Variants in CDH12 observed in about 807,000 individuals in gnomAD.
CDH12 encodes cadherin 12, also known as cadherin-12.
In CDH12, 41 loss-of-function variants were observed where a neutral mutation model predicts 74.1. That is an observed-to-expected ratio of 0.55 (90% CI 0.43 to 0.72). CDH12 has a LOEUF of 0.72. Ranked by LOEUF, CDH12 falls within the 30% of genes least tolerant of loss-of-function variation. The pLI is 0.00. For missense variants in CDH12, 945 were observed against 977.2 expected (o/e 0.97, Z 0.44); for synonymous variants, 399 against 355.0 (o/e 1.12, Z -1.39).
chr5:22,386,121 A>G (rs952120003), intron 3 of CDH12, among the ~76,000 whole-genome samples: 2 of 151,872 alleles, frequency 1.3e-5, no homozygotes, highest in Admixed American at 6.6e-5. Context: ...CAAACTCCCG[A>G]CCTCAGGTGA....
At chr5:22,833,400 A>T (rs1374243296) in intron 1 of CDH12, among the ~76,000 whole-genome samples, 1 of 152,192 alleles carries the variant, frequency 6.6e-6, no homozygotes, top group Non-Finnish European at 1.5e-5. Context: ...GAAATCACCA[A>T]GAAGGTTTAA....
intron 6 of CDH12, among the ~76,000 whole-genome samples, chr5:21,856,272 A>G (rs1483840403): frequency 6.6e-6 from 1 of 151,702 alleles, no homozygotes; most frequent in Non-Finnish European, 1.5e-5. Context: ...ATTAAGAGTA[A>G]AGTCCTCTCT....
chr5:22,813,449 T>G (rs1196338589), intron 1 of CDH12, among the ~76,000 whole-genome samples: 2 of 152,196 alleles, frequency 1.3e-5, no homozygotes, highest in Non-Finnish European at 2.9e-5. Context: ...CTTTTTCATC[T>G]CTGTGGTGAA....
intron 1 of CDH12, among the ~76,000 whole-genome samples, chr5:22,713,569 G>A (rs387519): frequency 0.28 from 41,850 of 151,786 alleles, 5,862 homozygotes; most frequent in South Asian, 0.31. Context: ...AAAAATGTGT[G>A]ACACAATACA....
At chr5:22,616,058 A>G (rs181417804) in intron 1 of CDH12, among the ~76,000 whole-genome samples, 1 of 152,242 alleles carries the variant, frequency 6.6e-6, no homozygotes, top group East Asian at 1.9e-4. Flanking sequence ...GAGGACCAGA[A>G]TTTTGAGTGC....
Position 22,382,674 on chromosome 5 carries a change from CA to C in CDH12, c.-333+22582del, listed in dbSNP as rs200356228. On this transcript the variant is annotated intron_variant, in intron 3 of 14. Transcript: ENST00000382254. ...CAGTGAAGGCCAGTATGTGCATATA[CA>C]ACCTGCCATCTTTAACCGGAAGCAT... 9.5e-3 allele frequency among the ~76,000 whole-genome samples: 1,442 copies of C among 152,232 alleles called. 24 individuals are homozygous for C. The highest frequency in any genetic ancestry group is 0.033 in the African/African-American group (1,363 of 41,528).
At chr5:21,766,138 A>G (rs1745011560) in intron 11 of CDH12, among the ~76,000 whole-genome samples, 2 of 152,160 alleles carry the variant, frequency 1.3e-5, no homozygotes, top group South Asian at 4.1e-4. Context: ...CAAAGAATGC[A>G]TACAAAATCA....
intron 10 of CDH12, among the ~76,000 whole-genome samples, chr5:21,787,812 C>CA (rs1400330309): frequency 1.3e-5 from 2 of 152,110 alleles, no homozygotes; most frequent in Non-Finnish European, 2.9e-5. Context: ...TAAGGCACAC[C>CA]AAAAGGTCAG....
At chr5:21,896,107 A>C (rs891193547) in intron 6 of CDH12, among the ~76,000 whole-genome samples, 3 of 152,120 alleles carry the variant, frequency 2.0e-5, no homozygotes, top group African/African-American at 7.2e-5. Flanking sequence ...TGAATGCTGA[A>C]CTCTGGGCAT....
intron 5 of CDH12, among the ~76,000 whole-genome samples, chr5:21,990,055 ATT>A (rs1000418362): frequency 6.6e-6 from 1 of 151,962 alleles, no homozygotes; most frequent in African/African-American, 2.4e-5. Flanking sequence ...TCTTTCTGTC[ATT>A]TGCTGTGGAT....
intron 2 of CDH12, among the ~76,000 whole-genome samples, chr5:22,455,883 AT>A (rs1272278841): frequency 2.0e-5 from 3 of 152,152 alleles, no homozygotes; most frequent in Admixed American, 6.5e-5. Context: ...ATGATAAGCA[AT>A]GTCCAATAAA....
At chr5:22,656,913 T>C (rs1241874522) in intron 1 of CDH12, among the ~76,000 whole-genome samples, 1 of 152,062 alleles carries the variant, frequency 6.6e-6, no homozygotes, top group Non-Finnish European at 1.5e-5. Flanking sequence ...CACAGCTCAG[T>C]GCAGCCTTGA....
intron 1 of CDH12, among the ~76,000 whole-genome samples, chr5:22,588,678 G>T (rs1440066046): frequency 6.6e-6 from 1 of 152,092 alleles, no homozygotes; most frequent in African/African-American, 2.4e-5. Flanking sequence ...AAATGTAAGG[G>T]ATTTAATTAG....
At chr5:22,801,715 A>ATTT (rs1273859811) in intron 1 of CDH12, among the ~76,000 whole-genome samples, 5 of 141,218 alleles carry the variant, frequency 3.5e-5, no homozygotes, top group Non-Finnish European at 7.6e-5. Context: ...AACACATAAG[A>ATTT]TTTTAAATGT....
intron 1 of CDH12, among the ~76,000 whole-genome samples, chr5:22,557,743 A>C (rs540335024): frequency 6.6e-6 from 1 of 152,182 alleles, no homozygotes; most frequent in African/African-American, 2.4e-5. Context: ...CAAAGAAAAA[A>C]ATCAATAGAA....
chr5:21,899,228 A>G (rs1035127925), intron 6 of CDH12, among the ~76,000 whole-genome samples: 3 of 152,216 alleles, frequency 2.0e-5, no homozygotes, highest in East Asian at 1.9e-4. Context: ...TGCTTAAAGT[A>G]TTTATTGCAT....
intron 4 of CDH12, among the ~76,000 whole-genome samples, chr5:22,128,903 T>C (rs1181837653): frequency 6.6e-6 from 1 of 152,252 alleles, no homozygotes; most frequent in East Asian, 1.9e-4. Flanking sequence ...ACTGTCTCCC[T>C]GTAAAGAGCT....
At chr5:22,353,888 G>C (rs530745701) in intron 3 of CDH12, among the ~76,000 whole-genome samples, 1 of 152,252 alleles carries the variant, frequency 6.6e-6, no homozygotes, top group African/African-American at 2.4e-5. Context: ...TACATGGATT[G>C]CATATGGGTT....
At chr5:22,789,637 T>A (rs1252336997) in intron 1 of CDH12, among the ~76,000 whole-genome samples, 1 of 152,006 alleles carries the variant, frequency 6.6e-6, no homozygotes, top group Non-Finnish European at 1.5e-5. Flanking sequence ...TGACACAACT[T>A]TTCATAGGCT....
Sources: gnomAD v4.1 joint callset for allele counts (sites outside exome capture counted in the v4.1 genomes callset) on GRCh38, gnomAD v4.1.1 for gene constraint, MANE v1.5 for transcripts, NCBI Gene and HGNC (gene_info 2026-07-23, HGNC 2026-07-21) for gene names.